DMD: variants seen among roughly 807,000 people sequenced by gnomAD.
DMD encodes the protein dystrophin.
In DMD, 63 loss-of-function variants were observed where a neutral mutation model predicts 330.1. The ratio of observed to expected loss-of-function variants is 0.19; its 90% CI spans 0.16 to 0.24. The LOEUF is 0.24. DMD is among the 10% of genes least tolerant of loss of function. DMD has a pLI of 1.00. For missense variants in DMD, 3,344 were observed against 2,684.1 expected, an observed-to-expected ratio of 1.25 and a Z score of -5.43; for synonymous variants, 1,223 against 959.8, an observed-to-expected ratio of 1.27 and a Z score of -5.07.
chrX:31,378,122 A>G (rs1039466764), intron 60 of DMD, among the ~76,000 whole-genome samples: 1 of 111,489 alleles, frequency 9.0e-6, no homozygotes, highest in African/African-American at 3.3e-5. Context: ...AAAAAGTTTT[A>G]TTGCTCACAC....
In DMD at chrX:31,329,756, A is replaced by G. The variant is rs371509705; in HGVS notation, c.9164-6098T>C. Among the ~76,000 whole-genome samples, 71 of 109,808 alleles carry G rather than the reference A, an allele frequency of 6.5e-4. No homozygotes were observed. In the East Asian group the frequency reaches 0.019, roughly 29 times the overall value. On this transcript the variant is annotated intron_variant, in intron 61 of 78. Coordinates refer to ENST00000357033, the MANE Select transcript of DMD (RefSeq NM_004006.3). Reference sequence around the variant, plus strand: ...GGGAGGCCAAGGTGAGCAGATCACGAGGTCAAGAGATCGAGACCATCCTGG... The same window carrying G: ...GGGAGGCCAAGGTGAGCAGATCACGGGGTCAAGAGATCGAGACCATCCTGG...
In DMD at chrX:33,042,242, A is replaced by T. The variant is rs780794894; in HGVS notation, c.32-22042T>A. On this transcript the variant is annotated intron_variant, in intron 1 of 78. Coordinates refer to ENST00000357033, the MANE Select transcript of DMD (RefSeq NM_004006.3). ...GAAGGCTTCATCTAAAAAGTACAAG[A>T]CTGTGAGGCATATTCCCTTCTCAAC... 1.5e-3 allele frequency among the ~76,000 whole-genome samples: 173 copies of T among 111,942 alleles called. 1 individual carries two copies. The highest frequency in any genetic ancestry group is 5.3e-3 in the African/African-American group (165 of 30,867).
At chrX:33,090,137 G>C (rs2095065258) in intron 1 of DMD, among the ~76,000 whole-genome samples, 1 of 110,567 alleles carries the variant, frequency 9.0e-6, no homozygotes, top group South Asian at 3.8e-4. Context: ...AGTCAATCTA[G>C]AGGAAATGGC....
intron 15 of DMD, among the ~76,000 whole-genome samples, chrX:32,570,277 C>T (rs1003381439): frequency 2.7e-5 from 3 of 111,817 alleles, no homozygotes; most frequent in Non-Finnish European, 5.6e-5. Context: ...TTTTAATGAA[C>T]ATTAAATTCT....
intron 6 of DMD, among the ~76,000 whole-genome samples, chrX:32,814,421 C>A (rs1448966964): frequency 8.9e-6 from 1 of 112,232 alleles, no homozygotes; most frequent in Non-Finnish European, 1.9e-5. Flanking sequence ...TTGAACCACT[C>A]AATTATTGAA....
At chrX:31,253,826 G>A (rs761639004) in intron 63 of DMD, among the ~76,000 whole-genome samples, 1 of 111,776 alleles carries the variant, frequency 8.9e-6, no homozygotes, top group Non-Finnish European at 1.9e-5. Context: ...TAAGGGCTAC[G>A]TGCTGATAGA....
intron 44 of DMD, among the ~76,000 whole-genome samples, chrX:32,078,757 A>G (rs1425899717): frequency 8.9e-6 from 1 of 112,058 alleles, no homozygotes; most frequent in African/African-American, 3.2e-5. Flanking sequence ...AGTTAGAGGC[A>G]AGTAAGAATC....
At chrX:31,636,525 T>C (rs1224146016) in intron 54 of DMD, among the ~76,000 whole-genome samples, 2 of 111,460 alleles carry the variant, frequency 1.8e-5, no homozygotes, top group African/African-American at 6.5e-5. Flanking sequence ...AGTTTATAGA[T>C]GAGGAACTTA....
chrX:33,126,902 C>A (rs2095468623), intron 1 of DMD, among the ~76,000 whole-genome samples: 1 of 111,132 alleles, frequency 9.0e-6, no homozygotes, highest in Non-Finnish European at 1.9e-5. Flanking sequence ...TCTGTACTTC[C>A]AGGACAATCT....
At chrX:33,049,139 G>C (rs775583438) in intron 1 of DMD, among the ~76,000 whole-genome samples, 6 of 111,875 alleles carry the variant, frequency 5.4e-5, no homozygotes, top group African/African-American at 1.6e-4. Flanking sequence ...TGTCTACTTA[G>C]CCTGAACACT....
chrX:31,131,850 G>T (rs980846603), intron 77 of DMD, among the ~76,000 whole-genome samples: 5 of 111,820 alleles, frequency 4.5e-5, no homozygotes, highest in African/African-American at 1.6e-4. Context: ...TTATCCACTT[G>T]AATTTGGGGA....
chrX:31,131,999 G>T (rs189224520), intron 77 of DMD, among the ~76,000 whole-genome samples: 9 of 111,795 alleles, frequency 8.1e-5, no homozygotes, highest in African/African-American at 2.9e-4. Flanking sequence ...GTATTTAATT[G>T]TTTTGTTTTT....
At chrX:32,718,092 T>G (rs1336195587) in intron 7 of DMD, among the ~76,000 whole-genome samples, 1 of 111,186 alleles carries the variant, frequency 9.0e-6, no homozygotes, top group East Asian at 2.8e-4. Context: ...GAGTTAAGAC[T>G]TTGGGGAACT....
intron 51 of DMD, among the ~76,000 whole-genome samples, chrX:31,734,363 C>T (rs1335482279): frequency 9.0e-6 from 1 of 110,810 alleles, no homozygotes; most frequent in Non-Finnish European, 1.9e-5. Flanking sequence ...GGAAATTTAG[C>T]GTGGCTTTAG....
chrX:32,576,284 C>A (rs755311649), intron 13 of DMD, among the ~76,000 whole-genome samples: 44 of 111,496 alleles, frequency 3.9e-4, no homozygotes, highest in Non-Finnish European at 7.3e-4. Context: ...GCTCTTACCA[C>A]AGATTTTGAG....
chrX:32,004,655 T>G (rs967868924), intron 44 of DMD, among the ~76,000 whole-genome samples: 1 of 111,781 alleles, frequency 8.9e-6, no homozygotes, highest in Non-Finnish European at 1.9e-5. Context: ...CCTTTGCTTT[T>G]TAACTTGTGT....
intron 74 of DMD, among the ~76,000 whole-genome samples, chrX:31,163,658 T>TA (rs2039109208): frequency 9.0e-6 from 1 of 111,055 alleles, no homozygotes; most frequent in African/African-American, 3.3e-5. Context: ...CTAAATTCCT[T>TA]ACCTACCACT....
chrX:31,619,391 GTTA>G (rs1362792779), intron 55 of DMD, among the ~76,000 whole-genome samples: 1 of 76,984 alleles, frequency 1.3e-5, no homozygotes, highest in African/African-American at 5.6e-5. Flanking sequence ...AAAATATTTA[GTTA>G]TTATTCTTTA....
At chrX:31,449,765 T>G (rs4347121) in intron 59 of DMD, among the ~76,000 whole-genome samples, 4,680 of 28,925 alleles carry the variant, frequency 0.16, 296 homozygotes, top group African/African-American at 0.35. Context: ...AATGGTGTGA[T>G]ATATATATAT....
Sources: allele counts gnomAD v4.1 joint callset (sites outside exome capture counted in the v4.1 genomes callset), GRCh38; gene constraint gnomAD v4.1.1; transcripts MANE v1.5; gene names NCBI Gene and HGNC (gene_info 2026-07-23, HGNC 2026-07-21).